The following BASP1 variants were observed in gnomAD, a reference collection of about 807,000 sequenced individuals.
BASP1 encodes brain acid soluble protein 1.
BASP1 carries 1 observed loss-of-function variant against 2.2 expected under a neutral mutation model. The ratio of observed to expected loss-of-function variants is 0.46; its 90% CI spans 0.16 to 2.17. The LOEUF is 2.17. BASP1 is among the 30% of genes most tolerant of loss of function. BASP1 has a pLI of 0.27. For synonymous variants in BASP1, 187 were observed against 154.2 expected (o/e 1.21, Z -1.58); for missense variants, 352 against 327.2 (o/e 1.08, Z -0.58).
chr5:17,262,813 T>A (rs1740341999), intron 1 of BASP1, among the ~76,000 whole-genome samples: 1 of 152,116 alleles, frequency 6.6e-6, no homozygotes. Context: ...TGTCACGTCT[T>A]ACACCTAAAG....
At chr5:17,237,588 T>G (rs1739774655) in intron 1 of BASP1, among the ~76,000 whole-genome samples, 1 of 151,780 alleles carries the variant, frequency 6.6e-6, no homozygotes, top group South Asian at 2.1e-4. Flanking sequence ...TTCTATAATC[T>G]GGTTCTTGCT....
At chr5:17,217,053 G>GGAGAGAGAGAGAGAGA (rs146244333), upstream of BASP1, 44 of 104,204 alleles carry the variant, frequency 4.2e-4, no homozygotes, top group Admixed American at 7.6e-4. Flanking sequence ...TAAATGAGGG[G>GGAGAGAGAGAGAGAGA]GAGAGAGAGA....
At chr5:17,239,900 T>C (rs1254367027) in intron 1 of BASP1, among the ~76,000 whole-genome samples, 4 of 152,136 alleles carry the variant, frequency 2.6e-5, no homozygotes, top group African/African-American at 9.7e-5. Flanking sequence ...TCTTTTCATT[T>C]GTCTAGTTTT....
chr5:17,275,943 TCCTC>T lies in BASP1; in HGVS notation c.*44_*47del, dbSNP rs1561180327. ...AAAAACAATACCACTTAAAACAATC[TCCTC>T]TCTCTCTCTCTCTCTCTCTCTCTAT... On this transcript the variant is annotated 3_prime_UTR_variant, in exon 2 of 2. Transcript: ENST00000322611. The surrounding 1 kb of genome is among the most constrained non-coding windows in gnomAD (Gnocchi z 5.3). 1.5e-6 allele frequency: 2 copies of T among 1,338,008 alleles called. No homozygotes were observed. The highest frequency in any genetic ancestry group is 3.0e-5 in the South Asian group (2 of 66,154). 82.9% of individuals were successfully genotyped at this position (1,338,008 alleles called of 1,614,324 possible). A position where few individuals can be genotyped will look rare whatever the true frequency, so the allele number is the denominator to read the frequency against.
chr5:17,234,314 C>G (rs1328117592), intron 1 of BASP1, among the ~76,000 whole-genome samples: 2 of 152,044 alleles, frequency 1.3e-5, no homozygotes, highest in Non-Finnish European at 2.9e-5. Flanking sequence ...TTATTCTATT[C>G]CTGCTCTATA....
chr5:17,232,257 C>T (rs529852446), intron 1 of BASP1, among the ~76,000 whole-genome samples: 1 of 152,182 alleles, frequency 6.6e-6, no homozygotes, highest in Non-Finnish European at 1.5e-5. Context: ...ATTGTGGTTA[C>T]ACTCCTCGTC....
At chr5:17,226,360 G>C (rs909798138) in intron 1 of BASP1, among the ~76,000 whole-genome samples, 1 of 152,172 alleles carries the variant, frequency 6.6e-6, no homozygotes, top group Non-Finnish European at 1.5e-5. Flanking sequence ...TTCCTGAATT[G>C]CATGGCAAAG....
rs1283291168 is a variant in BASP1 at position 17,236,135 on chromosome 5, C to G, written c.-10+18325C>G. Among the ~76,000 whole-genome samples, 1 of 152,156 alleles carries G rather than the reference C, an allele frequency of 6.6e-6. No homozygotes were observed. Among genetic ancestry groups the G allele is most frequent in the African/African-American group, 2.4e-5 (1 of 41,444 alleles). The stretch of plus-strand genomic sequence containing the variant: ...AGGGAAGCCAAAAGATTGGACACCC[C>G]CACCCTTGCGTTTAGTCTTTAAGAC... On this transcript the variant is annotated intron_variant, in intron 1 of 1. Coordinates refer to ENST00000322611, the MANE Select transcript of BASP1 (RefSeq NM_006317.5). This position sits in a 1 kb window ranked among gnomAD's most constrained non-coding sequence, Gnocchi z 4.0.
At chr5:17,249,706 A>C (rs560963233) in intron 1 of BASP1, among the ~76,000 whole-genome samples, 1 of 151,896 alleles carries the variant, frequency 6.6e-6, no homozygotes, top group East Asian at 1.9e-4. Context: ...TTTAGACTCT[A>C]TTTTTTTTCT....
At chr5:17,242,328 T>A (rs1282358636) in intron 1 of BASP1, among the ~76,000 whole-genome samples, 1 of 151,020 alleles carries the variant, frequency 6.6e-6, no homozygotes, top group African/African-American at 2.4e-5. Flanking sequence ...TTTGTTCGAC[T>A]TTATTTGTTA....
intron 1 of BASP1, among the ~76,000 whole-genome samples, chr5:17,235,408 C>T (rs1225787048): frequency 6.6e-6 from 1 of 151,814 alleles, no homozygotes; most frequent in African/African-American, 2.4e-5. Flanking sequence ...TTACAGGTGC[C>T]CGCCACCAGG....
rs768081655 is a variant in BASP1, at chr5:17,251,270, AT to A, written c.-9-23937del. 4.3e-4 allele frequency among the ~76,000 whole-genome samples: 65 copies of A among 152,230 alleles called. 1 individual carries two copies. The highest frequency in any genetic ancestry group is 6.2e-4 in the Non-Finnish European group (42 of 68,036). ...TTATCATTACACATTGTATACAAGT[AT>A]CAAAATATCACATGTACCCCCAAAA... On this transcript the variant is annotated intron_variant, in intron 1 of 1. Transcript: ENST00000322611. This position sits in a 1 kb window ranked among gnomAD's most constrained non-coding sequence, Gnocchi z 4.0.
At chr5:17,272,814 A>G (rs142462437) in intron 1 of BASP1, among the ~76,000 whole-genome samples, 1 of 152,220 alleles carries the variant, frequency 6.6e-6, no homozygotes, top group Non-Finnish European at 1.5e-5. Context: ...AAAACAAAGA[A>G]TAGAATGTGG....
chr5:17,263,355 A>T (rs987043694), intron 1 of BASP1, among the ~76,000 whole-genome samples: 5 of 151,322 alleles, frequency 3.3e-5, no homozygotes, highest in Non-Finnish European at 7.4e-5. Context: ...GGCTGGTCTC[A>T]AACTCCTGGG....
chr5:17,232,018 A>G (rs756840838), intron 1 of BASP1, among the ~76,000 whole-genome samples: 3 of 152,226 alleles, frequency 2.0e-5, no homozygotes, highest in Non-Finnish European at 2.9e-5. Flanking sequence ...TAGCTGATGA[A>G]CTCCAATTAC....
Position 17,237,616 on chromosome 5 carries a change from C to T in BASP1, c.-10+19806C>T, listed in dbSNP as rs539511472. On this transcript the variant is annotated intron_variant, in intron 1 of 1. Coordinates refer to ENST00000322611, the MANE Select transcript of BASP1 (RefSeq NM_006317.5). ...TTCTTGCTAGGTGAGTGTCCCCTGACATTGCTTTTTTTTTTTTTTTTCCGT... is the reference window on the plus strand; with the variant it reads ...TTCTTGCTAGGTGAGTGTCCCCTGATATTGCTTTTTTTTTTTTTTTTCCGT... Among the ~76,000 whole-genome samples, 477 of 121,564 alleles carry T rather than the reference C, an allele frequency of 3.9e-3. 4 individuals are homozygous for T. The highest frequency in any genetic ancestry group is 0.015 in the African/African-American group (456 of 30,044). 79.8% of individuals were successfully genotyped at this position (121,564 alleles called of 152,430 possible). A position where few individuals can be genotyped will look rare whatever the true frequency, so the allele number is the denominator to read the frequency against.
At position 17,259,603 on chromosome 5, in the gene BASP1, C is replaced by CTGT. The variant is rs892813065; in HGVS notation, c.-9-15602_-9-15600dup. Among the ~76,000 whole-genome samples the CTGT allele has an allele frequency of 3.3e-4, 50 of 152,140 alleles. 1 individual carries two copies. The highest frequency in any genetic ancestry group is 1.2e-3 in the African/African-American group (50 of 41,510). ...ATTAGGACTGAAAATACTACATTTG[C>CTGT]TGTTGGTGCCAAAAAAAATTGATAC... On this transcript the variant is annotated intron_variant, in intron 1 of 1. Coordinates refer to ENST00000322611, the MANE Select transcript of BASP1 (RefSeq NM_006317.5).
chr5:17,273,728 C>G (rs1740574928), intron 1 of BASP1, among the ~76,000 whole-genome samples: 1 of 152,038 alleles, frequency 6.6e-6, no homozygotes, highest in African/African-American at 2.4e-5. Context: ...GGAGTGTGTA[C>G]AGTTCTGCCA....
Position 17,275,262 on chromosome 5 carries a change from G to C in BASP1, c.46G>C (p.Asp16His). ...SKKKKGYNVN[D>H]EKAKEKDKKA... ...GAAGAAGAAGGGCTACAATGTGAAC[G>C]ACGAGAAAGCCAAGGAGAAAGACAA... Residue 16 changes from aspartate (D) to histidine (H), a missense_variant, in exon 2 of 2, where the codon GAC becomes CAC. Transcript: ENST00000322611. The surrounding 1 kb of genome is among the most constrained non-coding windows in gnomAD (Gnocchi z 5.3). The C allele has an allele frequency of 6.2e-7, 1 of 1,613,848 alleles. No homozygotes were observed. Among genetic ancestry groups the C allele is most frequent in the Non-Finnish European group, 8.5e-7 (1 of 1,179,978 alleles).
Sources: allele counts gnomAD v4.1 joint callset (sites outside exome capture counted in the v4.1 genomes callset), GRCh38; gene constraint gnomAD v4.1.1; non-coding constraint Gnocchi (gnomAD v3.1); transcripts MANE v1.5; gene names NCBI Gene and HGNC (gene_info 2026-07-23, HGNC 2026-07-21).